Variants in CELF3 observed in about 807,000 individuals in gnomAD.
The protein encoded by CELF3 is CUGBP Elav-like family member 3, also known as CAG repeat domain.
CELF3 carries 26 observed loss-of-function variants against 59.6 expected under a neutral mutation model. The ratio of observed to expected loss-of-function variants is 0.44; its 90% CI spans 0.32 to 0.61. CELF3 has a LOEUF of 0.61. CELF3 is among the 20% of genes least tolerant of loss of function. The pLI, the probability that CELF3 is intolerant of heterozygous loss-of-function variation, is 0.06. For synonymous variants in CELF3, 245 were observed against 250.7 expected, an observed-to-expected ratio of 0.98 and a Z score of 0.22; for missense variants, 387 against 627.2, an observed-to-expected ratio of 0.62 and a Z score of 4.09.
chr1:151,711,227 T>A (rs994519652), intron 2 of CELF3: 1 of 218,720 alleles, frequency 4.6e-6, no homozygotes, highest in African/African-American at 2.3e-5. Flanking sequence ...CAGGTTCCGG[T>A]CAGCTCCAGG....
chr1:151,706,095 C>T, intron 10 of CELF3, 129 bp downstream of exon 10: 2 of 1,591,702 alleles, frequency 1.3e-6, no homozygotes, highest in Non-Finnish European at 1.7e-6. Flanking sequence ...TGGGCCAAGT[C>T]TCCGGCCACT....
Position 151,714,656 on chromosome 1 carries a change from A to C in CELF3, c.166T>G (p.Cys56Gly), listed in dbSNP as rs1309015162. The change falls in exon 2 of 13, where the codon TGT (cysteine) becomes GGT (glycine). Residue 56 changes from cysteine to glycine, a missense_variant. By Grantham distance (159) the Cys-to-Gly change is radical (BLOSUM62 -3). Around this residue, in one of 3 missense-constraint regions of CELF3, gnomAD observed 208 missense variants for 354.8 expected, o/e 0.59. Coordinates refer to ENST00000290583, the MANE Select transcript of CELF3 (RefSeq NM_007185.7). ...LHKGCAFLTYCARDSALKAQS... is the reference protein window; with the variant it reads ...LHKGCAFLTYGARDSALKAQS... ...GCCTTCAGGGCTGAATCCCGGGCAC[A>C]GTATGTCAGGAAGGCACATCCTGAG... 1.3e-6 allele frequency: 2 copies of C among 1,559,050 alleles called. No homozygotes were observed. Among genetic ancestry groups the C allele is most frequent in the Non-Finnish European group, 8.7e-7 (1 of 1,151,188 alleles).
In CELF3 at chr1:151,707,253, C is replaced by T. The variant is rs1261617630; in HGVS notation, c.814G>A (p.Ala272Thr). ...PPAIAATPVS[A>T]IPAALGVNGY... ...TTGACGCCCAGGGCAGCCGGAATGGCAGAGACAGGCGTGGCAGCGATGGCA... is the reference window on the plus strand; with the variant it reads ...TTGACGCCCAGGGCAGCCGGAATGGTAGAGACAGGCGTGGCAGCGATGGCA... The change falls in exon 8 of 13, where the codon GCC becomes ACC. Residue 272 changes from alanine to threonine, a missense_variant. This residue lies in a region of CELF3 where 131 missense variants were observed against 153.7 expected (regional missense o/e 0.85). Coordinates refer to ENST00000290583, the MANE Select transcript of CELF3 (RefSeq NM_007185.7). The T allele has an allele frequency of 3.2e-6, 5 of 1,564,004 alleles. No homozygotes were observed. The East Asian group carries it at 9.4e-5, about 29-fold the overall frequency.
Position 151,715,957 on chromosome 1 carries a change from C to T in CELF3, c.64G>A (p.Asp22Asn). ...GQIPRHLEEK[D>N]LKPIFEQFGR... ...AACTGTTCGAAGATGGGCTTCAGGT[C>T]CTTCTCCTCCAGATGCCTCGGGATC... is the stretch of plus-strand genomic sequence containing the variant. The change falls in exon 1 of 13, where the codon GAC becomes AAC. Residue 22 changes from aspartate to asparagine, a missense_variant. Coordinates refer to ENST00000290583, the MANE Select transcript of CELF3 (RefSeq NM_007185.7). 6.2e-7 allele frequency: 1 copy of T among 1,614,198 alleles called. No individual in the cohort carries two copies. Among genetic ancestry groups the T allele is most frequent in the Non-Finnish European group, 8.5e-7 (1 of 1,180,022 alleles).
At position 151,708,979 on chromosome 1, in the gene CELF3, G is replaced by A. The variant is rs747374240; in HGVS notation, c.486+19C>T. On this transcript the variant is annotated intron_variant, in intron 5 of 12. Coordinates refer to ENST00000290583, the MANE Select transcript of CELF3 (RefSeq NM_007185.7). ...CAGGGTGGGAAGGAGAGGCCCGGGGGCAGGGGAGTGGGGCTCACTGGCAGG... is the reference window on the plus strand; with the variant it reads ...CAGGGTGGGAAGGAGAGGCCCGGGGACAGGGGAGTGGGGCTCACTGGCAGG... 2 of 1,611,128 alleles carry A rather than the reference G, an allele frequency of 1.2e-6. No homozygotes were observed. Among genetic ancestry groups the A allele is most frequent in the African/African-American group, 1.3e-5 (1 of 74,884 alleles).
At chr1:151,704,569 C>T (rs1224021649) in intron 12 of CELF3, among the ~76,000 whole-genome samples, 1 of 152,154 alleles carries the variant, frequency 6.6e-6, no homozygotes, top group African/African-American at 2.4e-5. Flanking sequence ...GGCTGATGTC[C>T]TCACTTCTCA....
In CELF3 at chr1:151,716,086, C is replaced by T; in HGVS notation, c.-66G>A. ...GGCCCAAAGGCCAAGGGGAGCTGCCCAGCAAGGAGATAAGTGGTGGGGCCC... is the reference window on the plus strand; with the variant it reads ...GGCCCAAAGGCCAAGGGGAGCTGCCTAGCAAGGAGATAAGTGGTGGGGCCC... On this transcript the variant is annotated 5_prime_UTR_variant, in exon 1 of 13. Coordinates refer to ENST00000290583, the MANE Select transcript of CELF3 (RefSeq NM_007185.7). 8 of 1,505,664 alleles carry T rather than the reference C, an allele frequency of 5.3e-6. No individual in the cohort carries two copies. Among genetic ancestry groups the T allele is most frequent in the Non-Finnish European group, 7.1e-6 (8 of 1,125,018 alleles). The allele number at this position is 1,505,664 out of a possible 1,614,324, so 93.3% of individuals were successfully genotyped here.
chr1:151,716,793 C>G lies in CELF3; in HGVS notation c.-773G>C. 2 of 467,082 alleles carry G rather than the reference C, an allele frequency of 4.3e-6. No homozygotes were observed. The highest frequency in any genetic ancestry group is 8.8e-6 in the Non-Finnish European group (2 of 226,308). 28.9% of individuals were successfully genotyped at this position (467,082 alleles called of 1,614,324 possible). ...CTCTGCTCTCCGGCCGCGCTCTCCT[C>G]AACAAAAACCTCCCCCCTCCACACC... is the stretch of plus-strand genomic sequence containing the variant. On this transcript the variant is annotated 5_prime_UTR_variant, in exon 1 of 13. Coordinates refer to ENST00000290583, the MANE Select transcript of CELF3 (RefSeq NM_007185.7).
chr1:151,709,492 TG>T lies in CELF3; in HGVS notation c.278-145del, dbSNP rs1334720453. 1.7e-6 allele frequency: 2 copies of T among 1,204,234 alleles called. No individual in the cohort carries two copies. Among genetic ancestry groups the T allele is most frequent in the African/African-American group, 1.5e-5 (1 of 66,624 alleles). The allele number at this position is 1,204,234 out of a possible 1,614,324, so 74.6% of individuals were successfully genotyped here. On this transcript the variant is annotated intron_variant, in intron 3 of 12. Transcript: ENST00000290583. The surrounding 1 kb of genome is among the most constrained non-coding windows in gnomAD (Gnocchi z 4.9). ...GCTGTAGGGGCTGATGGTTGGGGAATGGGGTATAGTTGCAGAGGGTGCTCAT... is the reference window on the plus strand; with the variant it reads ...GCTGTAGGGGCTGATGGTTGGGGAATGGGTATAGTTGCAGAGGGTGCTCAT...
chr1:151,707,364 A>T, intron 7 of CELF3, 70 bp from the exon 8 acceptor site: 1 of 1,543,038 alleles, frequency 6.5e-7, no homozygotes, highest in East Asian at 2.4e-5. Flanking sequence ...ACCAGTCAGC[A>T]AGTCTGTGGG....
Position 151,700,358 on chromosome 1 carries a change from G to C in CELF3, c.*3101C>G, listed in dbSNP as rs749205933. 2.0e-5 allele frequency among the ~76,000 whole-genome samples: 3 copies of C among 152,148 alleles called. No homozygotes were observed. Among genetic ancestry groups the C allele is most frequent in the Non-Finnish European group, 2.9e-5 (2 of 68,028 alleles). ...GTGTGAGAAGGATTTCAACAAGAAG[G>C]CATTCAACAAACATTTATTGAGCCG... On this transcript the variant is annotated 3_prime_UTR_variant, in exon 13 of 13. Coordinates refer to ENST00000290583, the MANE Select transcript of CELF3 (RefSeq NM_007185.7).
intron 7 of CELF3, 66 bp from the exon 8 acceptor site, chr1:151,707,360 C>A (rs915925014): frequency 1.6e-5 from 24 of 1,544,086 alleles, no homozygotes; most frequent in African/African-American, 2.8e-5. Context: ...GAGAACCAGT[C>A]AGCAAGTCTG....
chr1:151,714,202 C>A (rs1477135508), intron 2 of CELF3, among the ~76,000 whole-genome samples: 10 of 152,154 alleles, frequency 6.6e-5, no homozygotes, highest in Non-Finnish European at 1.5e-4. Flanking sequence ...CTCACAGCCA[C>A]CCAGCCTGCC....
At position 151,705,409 on chromosome 1, in the gene CELF3, T is replaced by TA. The variant is rs1210604538; in HGVS notation, c.1271-242dup. 3.9e-5 allele frequency among the ~76,000 whole-genome samples: 6 copies of TA among 152,222 alleles called. No individual in the cohort carries two copies. The highest frequency in any genetic ancestry group is 1.4e-4 in the African/African-American group (6 of 41,464). On this transcript the variant is annotated intron_variant, in intron 11 of 12. Transcript: ENST00000290583. This position sits in a 1 kb window ranked among gnomAD's most constrained non-coding sequence, Gnocchi z 5.1. ...CCAGTGACCCCTTCCTCTGCCTGGATAGCTCTGAGCCTGCCCTTTGAAAAC... is the reference window on the plus strand; with the variant it reads ...CCAGTGACCCCTTCCTCTGCCTGGATAAGCTCTGAGCCTGCCCTTTGAAAAC...
intron 1 of CELF3, among the ~76,000 whole-genome samples, 188 bp from the exon 2 acceptor site, chr1:151,714,864 G>A (rs1317723962): frequency 1.3e-5 from 2 of 152,110 alleles, no homozygotes. Context: ...ACACCTGGAG[G>A]CCTAAATACT....
chr1:151,703,967 T>G (rs1019728834), intron 12 of CELF3, among the ~76,000 whole-genome samples: 1 of 151,722 alleles, frequency 6.6e-6, no homozygotes, highest in African/African-American at 2.4e-5. Context: ...GCAAGAGAAA[T>G]GCACAGAACA....
rs191437156 is a variant in CELF3, at chr1:151,714,146, A to G, written c.228+448T>C. On this transcript the variant is annotated intron_variant, in intron 2 of 12. Coordinates refer to ENST00000290583, the MANE Select transcript of CELF3 (RefSeq NM_007185.7). ...CTCAAGAACCAGCACCGAGATGCCA[A>G]TCTAGCCGGCACCAGCTGCCTGTTC... Among the ~76,000 whole-genome samples the G allele has an allele frequency of 3.0e-3, 463 of 152,138 alleles. 1 individual carries two copies. Among genetic ancestry groups the G allele is most frequent in the Non-Finnish European group, 5.2e-3 (354 of 67,988 alleles).
rs926727252 is a variant in CELF3 at position 151,711,571 on chromosome 1, C to T, written c.229-1780G>A. Among the ~76,000 whole-genome samples, 6 of 152,196 alleles carry T rather than the reference C, an allele frequency of 3.9e-5. No individual in the cohort carries two copies. The East Asian group carries it at 1.2e-3, about 29-fold the overall frequency. ...CAATCTGGGATTATCCCATCGGAGGCTCAATCTCCTTAGGCATGTGTGTGC... is the reference window on the plus strand; with the variant it reads ...CAATCTGGGATTATCCCATCGGAGGTTCAATCTCCTTAGGCATGTGTGTGC... On this transcript the variant is annotated intron_variant, in intron 2 of 12. Transcript: ENST00000290583.
rs143616873 is a variant in CELF3, at chr1:151,709,619, C to T, written c.277+124G>A. Reference sequence around the variant, plus strand: ...CTGGCCACACTGACTCCTATCTCACCGCAGCTGGGAACTCTTCAGAATCAT... The same window carrying T: ...CTGGCCACACTGACTCCTATCTCACTGCAGCTGGGAACTCTTCAGAATCAT... On this transcript the variant is annotated intron_variant, in intron 3 of 12. Transcript: ENST00000290583. This position sits in a 1 kb window ranked among gnomAD's most constrained non-coding sequence, Gnocchi z 4.9. 161 of 1,106,100 alleles carry T rather than the reference C, an allele frequency of 1.5e-4. 1 individual carries two copies. Among genetic ancestry groups the T allele is most frequent in the Admixed American group, 1.2e-3 (65 of 54,364 alleles). The allele number at this position is 1,106,100 out of a possible 1,614,324, so 68.5% of individuals were successfully genotyped here.
Sources: allele counts gnomAD v4.1 joint callset (sites outside exome capture counted in the v4.1 genomes callset), GRCh38; gene constraint gnomAD v4.1.1; regional missense constraint gnomAD v4.1.1; non-coding constraint Gnocchi (gnomAD v3.1); transcripts MANE v1.5; gene names NCBI Gene and HGNC (gene_info 2026-07-23, HGNC 2026-07-21).